Variants in KIAA1217 observed in about 807,000 individuals in gnomAD.
KIAA1217 encodes sickle tail protein homolog.
In KIAA1217, 88 loss-of-function variants were observed where a neutral mutation model predicts 163.9. The observed-to-expected ratio is 0.54, with a 90% CI of 0.45 to 0.64. The LOEUF (loss-of-function observed/expected upper bound fraction) is 0.64, where lower values mean the gene tolerates loss of function less well. Ranked by LOEUF, KIAA1217 falls within the 30% of genes least tolerant of loss-of-function variation. The pLI is 0.00. For missense variants in KIAA1217, 2,372 were observed against 2,475.0 expected, an observed-to-expected ratio of 0.96 and a Z score of 0.88; for synonymous variants, 903 against 923.1, an observed-to-expected ratio of 0.98 and a Z score of 0.39.
chr10:23,882,037 C>A (rs1474777720), intron 1 of KIAA1217, among the ~76,000 whole-genome samples: 4 of 148,880 alleles, frequency 2.7e-5, no homozygotes, highest in Non-Finnish European at 6.0e-5. Context: ...TAGAGTGTCT[C>A]TTTCTTGTCT....
intron 2 of KIAA1217, among the ~76,000 whole-genome samples, chr10:24,132,047 A>G (rs925463513): frequency 6.6e-6 from 1 of 152,188 alleles, no homozygotes; most frequent in Non-Finnish European, 1.5e-5. Flanking sequence ...CAGGGACCCA[A>G]GCTACTTATA....
At chr10:24,098,221 G>T (rs1163479406) in intron 2 of KIAA1217, among the ~76,000 whole-genome samples, 1 of 152,106 alleles carries the variant, frequency 6.6e-6, no homozygotes, top group African/African-American at 2.4e-5. Context: ...GACACGAGGA[G>T]AAATTCCAGA....
At chr10:23,965,284 A>G (rs553570518) in intron 1 of KIAA1217, among the ~76,000 whole-genome samples, 2 of 152,370 alleles carry the variant, frequency 1.3e-5, no homozygotes, top group South Asian at 2.1e-4. Context: ...TCTCTGGGAA[A>G]GCGTGACCTG....
chr10:23,853,091 C>G (rs182383864), intron 1 of KIAA1217, among the ~76,000 whole-genome samples: 36 of 152,264 alleles, frequency 2.4e-4, no homozygotes, highest in Admixed American at 2.2e-3. Context: ...TGTCTTGTGC[C>G]AGTTTTCAAA....
intron 1 of KIAA1217, among the ~76,000 whole-genome samples, chr10:23,791,123 A>G (rs1033591409): frequency 6.6e-6 from 1 of 152,222 alleles, no homozygotes; most frequent in African/African-American, 2.4e-5. Context: ...ACATCTATAA[A>G]TAGCTGTCTT....
intron 14 of KIAA1217, among the ~76,000 whole-genome samples, chr10:24,528,357 T>A (rs911779292): frequency 2.6e-5 from 4 of 151,024 alleles, no homozygotes; most frequent in African/African-American, 7.3e-5. Flanking sequence ...GGTCTTGCTC[T>A]GCCACCCAGG....
At chr10:23,857,069 A>T (rs1839721255) in intron 1 of KIAA1217, among the ~76,000 whole-genome samples, 1 of 152,238 alleles carries the variant, frequency 6.6e-6, no homozygotes, top group Admixed American at 6.5e-5. Flanking sequence ...CCGGTACCTC[A>T]GATGGAAATG....
intron 1 of KIAA1217, among the ~76,000 whole-genome samples, chr10:23,933,043 C>T (rs745690108): frequency 5.3e-5 from 8 of 152,176 alleles, no homozygotes; most frequent in Admixed American, 2.0e-4. Context: ...AGCACAAAAG[C>T]TGTAGAGGCT....
rs188590937 is a variant in KIAA1217, at chr10:24,011,784, G to T, written c.-171+4410G>T. Among the ~76,000 whole-genome samples, 10 of 152,240 alleles carry T rather than the reference G, an allele frequency of 6.6e-5. No homozygotes were observed. In the East Asian group the frequency reaches 1.9e-3, roughly 30 times the overall value. ...TAATTGGTGTTGGGTTGTTCCCGTG[G>T]GTTGACAGTCAGCATGTTTTTATTT... On this transcript the variant is annotated intron_variant, in intron 2 of 18. Coordinates refer to the KIAA1217 transcript ENST00000376462.
chr10:24,495,082 CTT>C, intron 7 of KIAA1217, 63 bp from the exon 8 acceptor site: 1 of 1,171,858 alleles, frequency 8.5e-7, no homozygotes, highest in Non-Finnish European at 1.2e-6. Context: ...ATGGAATGGG[CTT>C]TAAAAAAAAA....
At chr10:23,973,273 T>C (rs890495674) in intron 1 of KIAA1217, among the ~76,000 whole-genome samples, 1 of 152,246 alleles carries the variant, frequency 6.6e-6, no homozygotes, top group Non-Finnish European at 1.5e-5. Flanking sequence ...TTGAAGAATT[T>C]TAGCCTATCG....
At chr10:24,281,197 A>G (rs988345173) in intron 2 of KIAA1217, among the ~76,000 whole-genome samples, 8 of 152,228 alleles carry the variant, frequency 5.3e-5, no homozygotes, top group African/African-American at 1.9e-4. Context: ...TCTTACATCA[A>G]TATGGTACAT....
intron 1 of KIAA1217, among the ~76,000 whole-genome samples, chr10:23,737,975 T>A (rs1171811851): frequency 6.6e-6 from 1 of 152,152 alleles, no homozygotes; most frequent in African/African-American, 2.4e-5. Context: ...AATATTCATT[T>A]GCAGGGATGA....
intron 2 of KIAA1217, among the ~76,000 whole-genome samples, chr10:24,264,804 ATTCTCTCT>A (rs1491416838): frequency 3.4e-5 from 2 of 58,932 alleles, no homozygotes; most frequent in East Asian, 4.9e-4. Context: ...TCTCTCTCTC[ATTCTCTCT>A]TTCTCTCTCT....
intron 2 of KIAA1217, among the ~76,000 whole-genome samples, chr10:24,030,235 G>A (rs940075413): frequency 5.3e-5 from 8 of 151,876 alleles, no homozygotes; most frequent in South Asian, 2.1e-4. Context: ...ATATAGTTTC[G>A]CTCTGTGTCC....
intron 2 of KIAA1217, among the ~76,000 whole-genome samples, chr10:24,051,258 C>G (rs1849481349): frequency 6.6e-6 from 1 of 152,130 alleles, no homozygotes; most frequent in Non-Finnish European, 1.5e-5. Flanking sequence ...TTATTTCATG[C>G]CTTTTATGGC....
chr10:24,366,686 C>T (rs1283170667), intron 2 of KIAA1217, among the ~76,000 whole-genome samples: 1 of 152,148 alleles, frequency 6.6e-6, no homozygotes, highest in African/African-American at 2.4e-5. Flanking sequence ...GGCCTGCTTT[C>T]GTGGAGCAAT....
chr10:24,402,521 AAC>A (rs1280288631), intron 3 of KIAA1217, among the ~76,000 whole-genome samples: 5 of 75,590 alleles, frequency 6.6e-5, no homozygotes, highest in African/African-American at 2.3e-4. Context: ...AAAAACAAAA[AAC>A]AAAACAAAAA....
chr10:23,776,236 G>A (rs1044599964), intron 1 of KIAA1217, among the ~76,000 whole-genome samples: 2 of 152,004 alleles, frequency 1.3e-5, no homozygotes, highest in African/African-American at 4.8e-5. Flanking sequence ...GATCCCTCAA[G>A]ATTCTTCCCC....
Sources: gnomAD v4.1 joint callset for allele counts (sites outside exome capture counted in the v4.1 genomes callset) on GRCh38, gnomAD v4.1.1 for gene constraint, MANE v1.5 for transcripts, NCBI Gene and HGNC (gene_info 2026-07-23, HGNC 2026-07-21) for gene names.